The following ITPR3 variants were observed in gnomAD, a reference collection of about 807,000 sequenced individuals.
ITPR3 encodes the protein inositol 1,4,5-trisphosphate-gated calcium channel ITPR3.
In ITPR3, 173 loss-of-function variants were observed where a neutral mutation model predicts 293.2. The observed-to-expected ratio is 0.59, with a 90% confidence interval of 0.52 to 0.67. The LOEUF (loss-of-function observed/expected upper bound fraction) is 0.67. Ranked by LOEUF, ITPR3 falls within the 30% of genes least tolerant of loss-of-function variation. ITPR3 has a pLI of 0.00. For synonymous variants in ITPR3, 1,295 were observed against 1,444.4 expected (o/e 0.90, Z 2.35); for missense variants, 2,796 against 3,592.1 (o/e 0.78, Z 5.66).
rs1305253178 is a variant in ITPR3, at chr6:33,687,184, C to T, written c.6076-42C>T. 6 of 1,591,620 alleles carry T rather than the reference C, an allele frequency of 3.8e-6. No homozygotes were observed. The highest frequency in any genetic ancestry group is 2.2e-5 in the East Asian group (1 of 44,726). ...GGGATGAGGGCCCGGCTGGCCCTAC[C>T]GCCCTAGGAAGAGAGCATTGGAACA... On this transcript the variant is annotated intron_variant, in intron 44 of 57. Transcript: ENST00000605930. This position sits in a 1 kb window ranked among gnomAD's most constrained non-coding sequence, Gnocchi z 5.3.
rs1764794100 is a variant in ITPR3, at chr6:33,672,434, C to T, written c.2928+206C>T. 6.6e-6 allele frequency among the ~76,000 whole-genome samples: 1 copy of T among 152,122 alleles called. No homozygotes were observed. Among genetic ancestry groups the T allele is most frequent in the Non-Finnish European group, 1.5e-5 (1 of 68,026 alleles). On this transcript the variant is annotated intron_variant, in intron 22 of 57. Transcript: ENST00000605930. This position sits in a 1 kb window ranked among gnomAD's most constrained non-coding sequence, Gnocchi z 5.0. ...TGGGAGCTTGTTAGAAGTGCACATT[C>T]TCGGTTGTGCGCAGTGACTCACGCC...
Position 33,681,930 on chromosome 6 carries a change from G to C in ITPR3, c.4477-594G>C, listed in dbSNP as rs868785603. ...GAGTCTCACTTGGTGCCCCAGGCTA[G>C]AGTGCAGTAGCACAACCTTGGCTCA... On this transcript the variant is annotated intron_variant, in intron 33 of 57. Transcript: ENST00000605930. Among the ~76,000 whole-genome samples, 9 of 151,710 alleles carry C rather than the reference G, an allele frequency of 5.9e-5. No homozygotes were observed. The South Asian group carries it at 6.3e-4, about 11-fold the overall frequency.
chr6:33,675,656 T>C lies in ITPR3; in HGVS notation c.3117-35T>C. ...CCACGGACAGCAGGGAGTGTGCCAG[T>C]CTCACCCATGCGCCCTGCACCCTTG... is the stretch of plus-strand genomic sequence containing the variant. On this transcript the variant is annotated intron_variant, in intron 24 of 57. Transcript: ENST00000605930. This position sits in a 1 kb window ranked among gnomAD's most constrained non-coding sequence, Gnocchi z 5.0. 6.4e-7 allele frequency: 1 copy of C among 1,555,606 alleles called. No homozygotes were observed.
chr6:33,695,313 G>T, intron 57 of ITPR3: 1 of 585,216 alleles, frequency 1.7e-6, no homozygotes, highest in Non-Finnish European at 3.0e-6. Context: ...TTTAGTACAG[G>T]GTGGTGGGGC....
Position 33,654,618 on chromosome 6 carries a change from C to A in ITPR3, c.161-1148C>A, listed in dbSNP as rs1041569624. ...TTTCTTAGAGGGAACAGGAAAGGAC[C>A]TGAAGAAGGGGTTTTGTTTCTGGGA... On this transcript the variant is annotated intron_variant, in intron 2 of 57. Coordinates refer to ENST00000605930, the MANE Select transcript of ITPR3 (RefSeq NM_002224.4). This position sits in a 1 kb window ranked among gnomAD's most constrained non-coding sequence, Gnocchi z 4.1. Among the ~76,000 whole-genome samples the A allele has an allele frequency of 6.6e-6, 1 of 152,200 alleles. No individual in the cohort carries two copies. Among genetic ancestry groups the A allele is most frequent in the Non-Finnish European group, 1.5e-5 (1 of 68,040 alleles).
Position 33,664,624 on chromosome 6 carries a change from G to A in ITPR3, c.1149-246G>A, listed in dbSNP as rs1764561307. Reference sequence around the variant, plus strand: ...GTACAAACAAGCTTTGGTTTTGGAAGCGTGGACAAGGCTGCCCGTGTCAGT... The same window carrying A: ...GTACAAACAAGCTTTGGTTTTGGAAACGTGGACAAGGCTGCCCGTGTCAGT... On this transcript the variant is annotated intron_variant, in intron 11 of 57. Transcript: ENST00000605930. This position sits in a 1 kb window ranked among gnomAD's most constrained non-coding sequence, Gnocchi z 4.4. 6.6e-6 allele frequency among the ~76,000 whole-genome samples: 1 copy of A among 152,200 alleles called. No individual in the cohort carries two copies. The highest frequency in any genetic ancestry group is 2.1e-4 in the South Asian group (1 of 4,824).
Position 33,665,224 on chromosome 6 carries a change from G to A in ITPR3, c.1409+11G>A. On this transcript the variant is annotated intron_variant, in intron 13 of 57. Coordinates refer to ENST00000605930, the MANE Select transcript of ITPR3 (RefSeq NM_002224.4). ...CCAGAATGACCGCAGGTGGGCTGCAGTGGCACAGGGGTTTTCTGAGTGATC... is the reference window on the plus strand; with the variant it reads ...CCAGAATGACCGCAGGTGGGCTGCAATGGCACAGGGGTTTTCTGAGTGATC... 1.2e-6 allele frequency: 2 copies of A among 1,610,702 alleles called. No individual in the cohort carries two copies. The highest frequency in any genetic ancestry group is 1.7e-6 in the Non-Finnish European group (2 of 1,177,364).
rs1254810081 is a variant in ITPR3 at position 33,633,713 on chromosome 6, G to A, written c.90-6771G>A. On this transcript the variant is annotated intron_variant, in intron 1 of 57. Coordinates refer to ENST00000605930, the MANE Select transcript of ITPR3 (RefSeq NM_002224.4). This position sits in a 1 kb window ranked among gnomAD's most constrained non-coding sequence, Gnocchi z 5.2. ...GCGGCGGCGGCGCGTCGTGGGAGAC[G>A]GCTGCACGTGGGACGGCGAGTTTCG... is the stretch of plus-strand genomic sequence containing the variant. Among the ~76,000 whole-genome samples, 1 of 147,892 alleles carries A rather than the reference G, an allele frequency of 6.8e-6. No homozygotes were observed. Among genetic ancestry groups the A allele is most frequent in the African/African-American group, 2.4e-5 (1 of 40,938 alleles).
chr6:33,652,727 G>A (rs1764220428), intron 2 of ITPR3, among the ~76,000 whole-genome samples: 1 of 152,114 alleles, frequency 6.6e-6, no homozygotes, highest in Admixed American at 6.5e-5. Flanking sequence ...GCCTCCCAAA[G>A]TGCTGGGATT....
Position 33,672,113 on chromosome 6 carries a change from C to T in ITPR3, c.2813C>T (p.Ala938Val). 1.2e-6 allele frequency: 2 copies of T among 1,613,830 alleles called. No homozygotes were observed. Among genetic ancestry groups the T allele is most frequent in the South Asian group, 1.1e-5 (1 of 91,072 alleles). ...AGCCGCAAGCAGTCCGTCTTCAGTG[C>T]CCCCAGCCTGTCTGCTGGGGCCAGT... ...VLSRKQSVFS[A>V]PSLSAGASAA... is the part of the protein sequence containing the mutation. Residue 938 changes from alanine (A) to valine (V), a missense_variant, in exon 22 of 58, where the codon GCC (alanine) becomes GTC (valine). Ala to Val is a moderately conservative substitution (Grantham distance 64). Transcript: ENST00000605930. This position sits in a 1 kb window ranked among gnomAD's most constrained non-coding sequence, Gnocchi z 5.0.
In ITPR3 at chr6:33,684,328, G is replaced by A; in HGVS notation, c.4938-29G>A. On this transcript the variant is annotated intron_variant, in intron 36 of 57. Transcript: ENST00000605930. This position sits in a 1 kb window ranked among gnomAD's most constrained non-coding sequence, Gnocchi z 4.2. ...AGCTGGAGGGAGGCAGTGTGGGGCTGCCCTGAGCTGCCTCCTTGGCCGGCT... is the reference window on the plus strand; with the variant it reads ...AGCTGGAGGGAGGCAGTGTGGGGCTACCCTGAGCTGCCTCCTTGGCCGGCT... The A allele has an allele frequency of 1.2e-6, 2 of 1,606,124 alleles. No individual in the cohort carries two copies. Among genetic ancestry groups the A allele is most frequent in the Non-Finnish European group, 1.7e-6 (2 of 1,173,322 alleles).
At chr6:33,653,649 G>A (rs959985443) in intron 2 of ITPR3, among the ~76,000 whole-genome samples, 2 of 152,194 alleles carry the variant, frequency 1.3e-5, no homozygotes, top group Admixed American at 6.5e-5. Context: ...ACTGCTCATA[G>A]ATGTCCACCT....
chr6:33,683,386 GAGA>G lies in ITPR3; in HGVS notation c.4780_4782del (p.Lys1594del). ...CCAGTGGGACTACAAGAACATCATT[GAGA>G]AGCTGCAGGTGGGTGTGGGGCTGCC... On this transcript the variant is annotated inframe_deletion, in exon 35 of 58. Coordinates refer to ENST00000605930, the MANE Select transcript of ITPR3 (RefSeq NM_002224.4). This position sits in a 1 kb window ranked among gnomAD's most constrained non-coding sequence, Gnocchi z 4.5. 6.4e-7 allele frequency: 1 copy of G among 1,573,854 alleles called. No individual in the cohort carries two copies. Among genetic ancestry groups the G allele is most frequent in the Non-Finnish European group, 8.6e-7 (1 of 1,156,924 alleles).
intron 1 of ITPR3, among the ~76,000 whole-genome samples, chr6:33,625,800 C>A (rs71565395): frequency 0.088 from 13,460 of 152,138 alleles, 616 homozygotes; most frequent in Non-Finnish European, 0.1. Context: ...CCCTGGAGGT[C>A]AGGACCCAAG....
In ITPR3 at chr6:33,624,008, G is replaced by A. The variant is rs535128990; in HGVS notation, c.89+2317G>A. On this transcript the variant is annotated intron_variant, in intron 1 of 57. Coordinates refer to ENST00000605930, the MANE Select transcript of ITPR3 (RefSeq NM_002224.4). This position sits in a 1 kb window ranked among gnomAD's most constrained non-coding sequence, Gnocchi z 4.7. ...ACCACACGACTGCAACCTGTCCCGC[G>A]CTCTCAGTCTCTTTACCTTTGCTCT... Among the ~76,000 whole-genome samples, 51 of 152,286 alleles carry A rather than the reference G, an allele frequency of 3.3e-4. No individual in the cohort carries two copies. The South Asian group carries it at 7.3e-3, about 22-fold the overall frequency.
rs1210712713 is a variant in ITPR3, at chr6:33,686,220, TGA to T, written c.5837_5838del (p.Glu1946ValfsTer8). On this transcript the variant is annotated frameshift_variant, in exon 42 of 58. Transcript: ENST00000605930. LOFTEE classifies it high-confidence loss of function. ...TCATCCAGACCTTGGAGACCCTCAC[TGA>T]GTACTGCCAGGGCCCCTGCCATGAG... is the stretch of plus-strand genomic sequence containing the variant. Reference protein sequence around the residue: ...LVIQTLETLTEYCQGPCHENQ... With the variant: ...LVIQTLETLTXYCQGPCHENQ... The T allele has an allele frequency of 6.2e-7, 1 of 1,613,730 alleles. No individual in the cohort carries two copies. The highest frequency in any genetic ancestry group is 8.5e-7 in the Non-Finnish European group (1 of 1,179,992).
intron 49 of ITPR3, 125 bp downstream of exon 49, chr6:33,688,906 C>G (rs1283511680): frequency 7.9e-7 from 1 of 1,261,712 alleles, no homozygotes; most frequent in Non-Finnish European, 1.1e-6. Context: ...AGAAGCACCC[C>G]CTGCGCCATC....
intron 51 of ITPR3, 107 bp from the exon 52 acceptor site, chr6:33,690,810 A>T: frequency 1.9e-6 from 2 of 1,045,428 alleles, no homozygotes; most frequent in Admixed American, 2.1e-5. Context: ...GAGCCTTGGG[A>T]AACTGTCTGG....
chr6:33,689,947 G>A (rs1765344578), intron 50 of ITPR3, 87 bp from the exon 51 acceptor site: 25 of 1,512,426 alleles, frequency 1.7e-5, no homozygotes, highest in Non-Finnish European at 2.0e-5. Context: ...ATGCCTCCCA[G>A]GCTCTGAGCT....
Sources: allele counts gnomAD v4.1 joint callset (sites outside exome capture counted in the v4.1 genomes callset), GRCh38; gene constraint gnomAD v4.1.1; non-coding constraint Gnocchi (gnomAD v3.1); transcripts MANE v1.5; gene names NCBI Gene and HGNC (gene_info 2026-07-23, HGNC 2026-07-21).